The following IGF2R variants were observed in gnomAD, a reference collection of about 807,000 sequenced individuals.
The protein encoded by IGF2R is cation-independent mannose-6-phosphate receptor.
IGF2R carries 91 observed loss-of-function variants against 270.6 expected under a neutral mutation model. The observed-to-expected ratio is 0.34, with a 90% CI of 0.28 to 0.40. The LOEUF is 0.40. IGF2R is among the 10% of genes least tolerant of loss of function. The pLI is 1.00. For synonymous variants in IGF2R, 1,316 were observed against 1,258.9 expected, an observed-to-expected ratio of 1.05 and a Z score of -0.96; for missense variants, 2,805 against 3,188.3, an observed-to-expected ratio of 0.88 and a Z score of 2.90.
At chr6:160,023,817 C>A (rs913246266) in intron 4 of IGF2R, among the ~76,000 whole-genome samples, 1 of 152,132 alleles carries the variant, frequency 6.6e-6, no homozygotes, top group Non-Finnish European at 1.5e-5. Flanking sequence ...ACGAGGTCAC[C>A]AAGGGATTGG....
chr6:160,089,161 C>T lies in IGF2R; in HGVS notation c.6375C>T (p.Cys2125=), dbSNP rs1424215554. 1.6e-5 allele frequency: 26 copies of T among 1,613,838 alleles called. No individual in the cohort carries two copies. The highest frequency in any genetic ancestry group is 5.0e-5 in the Admixed American group (3 of 60,002). The change falls in exon 43 of 48, where the codon TGC becomes TGT. Residue 2125 remains cysteine, a synonymous_variant. Coordinates refer to ENST00000356956, the MANE Select transcript of IGF2R (RefSeq NM_000876.4). ...YYFSWDSRAA[C]AVKPQEVQMV... ...TCAGCTGGGACTCCCGGGCTGCCTG[C>T]GCCGTGAAGCCTCAGGAGGTGCAGA...
intron 4 of IGF2R, among the ~76,000 whole-genome samples, chr6:160,017,189 C>A (rs112990351): frequency 6.6e-6 from 1 of 151,958 alleles, no homozygotes; most frequent in South Asian, 2.1e-4. Flanking sequence ...AGTAGAATTT[C>A]TAGAAATGAA....
At chr6:160,011,529 T>C (rs1784334628) in intron 4 of IGF2R, among the ~76,000 whole-genome samples, 1 of 151,454 alleles carries the variant, frequency 6.6e-6, no homozygotes, top group Admixed American at 6.6e-5. Context: ...GCTAATTACA[T>C]ATGTGTTACC....
chr6:160,104,435 T>A (rs1443852391), intron 47 of IGF2R, among the ~76,000 whole-genome samples: 3 of 151,874 alleles, frequency 2.0e-5, no homozygotes, highest in African/African-American at 4.8e-5. Flanking sequence ...TCCTGCCAAA[T>A]GACCCCACTG....
chr6:160,077,713 C>A lies in IGF2R; in HGVS notation c.5317-488C>A, dbSNP rs150313160. On this transcript the variant is annotated intron_variant, in intron 36 of 47. Transcript: ENST00000356956. ...TAATTACAAATGGAATTCCTGAGAG[C>A]TGCCTCATCTTTTTTTGTTGCTGTT... Among the ~76,000 whole-genome samples the A allele has an allele frequency of 2.2e-3, 330 of 152,342 alleles. 3 individuals are homozygous for A. Among genetic ancestry groups the A allele is most frequent in the African/African-American group, 7.6e-3 (318 of 41,580 alleles).
rs1472678668 is a variant in IGF2R at position 160,072,863 on chromosome 6, G to A, written c.4669G>A (p.Glu1557Lys). 3 of 1,613,820 alleles carry A rather than the reference G, an allele frequency of 1.9e-6. No homozygotes were observed. Among genetic ancestry groups the A allele is most frequent in the Non-Finnish European group, 2.5e-6 (3 of 1,179,850 alleles). ...LVYMSICGEN[E>K]NCPPGVGACF... ...TTACATGAGCATCTGTGGGGAGAAT[G>A]AAAACTGCCCTCCTGGCGTGGGTGA... The change falls in exon 33 of 48, where the codon GAA becomes AAA. Residue 1557 changes from glutamate (E) to lysine (K), a missense_variant. Physicochemically the swap from Glu to Lys is moderately conservative, Grantham distance 56. Around this residue, in one of 2 missense-constraint regions of IGF2R, gnomAD observed 1,851 missense variants for 2,207.2 expected, o/e 0.84. Transcript: ENST00000356956.
intron 7 of IGF2R, among the ~76,000 whole-genome samples, chr6:160,031,341 C>T (rs1007196258): frequency 3.3e-5 from 5 of 152,058 alleles, no homozygotes; most frequent in African/African-American, 9.7e-5. Context: ...GGTTTACATA[C>T]TGTAAAGTTC....
chr6:160,093,423 G>A lies in IGF2R; in HGVS notation c.6656-3016G>A, dbSNP rs1441081164. The stretch of plus-strand genomic sequence containing the variant: ...TGGAGGAGCTCCTGGCACAGTGATG[G>A]GGTCTCAGGCCTCCACCTTACTGCA... On this transcript the variant is annotated intron_variant, in intron 44 of 47. Coordinates refer to ENST00000356956, the MANE Select transcript of IGF2R (RefSeq NM_000876.4). 1.8e-5 allele frequency: 6 copies of A among 332,710 alleles called. No homozygotes were observed. In the Admixed American group the frequency reaches 2.5e-4, roughly 14 times the overall value. 20.6% of individuals were successfully genotyped at this position (332,710 alleles called of 1,614,324 possible).
intron 46 of IGF2R, among the ~76,000 whole-genome samples, chr6:160,103,110 A>C (rs543514513): frequency 2.0e-5 from 3 of 152,276 alleles, no homozygotes; most frequent in East Asian, 1.9e-4. Flanking sequence ...GTGACGGTCA[A>C]GCAGATTTTC....
chr6:160,064,627 TCTC>T (rs1778522389), intron 28 of IGF2R, 96 bp downstream of exon 28: 1 of 1,389,454 alleles, frequency 7.2e-7, no homozygotes. Flanking sequence ...TCTCATCAAA[TCTC>T]CTGGTTAACT....
chr6:160,094,213 A>G (rs1369788272), intron 44 of IGF2R: 1 of 344,482 alleles, frequency 2.9e-6, no homozygotes, highest in Middle Eastern at 1.0e-3. Flanking sequence ...ATTTCTTCTC[A>G]GTATCCATTC....
At chr6:159,976,063 A>G (rs1257589036) in intron 1 of IGF2R, among the ~76,000 whole-genome samples, 1 of 152,006 alleles carries the variant, frequency 6.6e-6, no homozygotes, top group Non-Finnish European at 1.5e-5. Context: ...TGTATATAAG[A>G]TGGACATTTT....
chr6:160,068,126 T>G, intron 29 of IGF2R, 123 bp from the exon 30 acceptor site: 2 of 905,386 alleles, frequency 2.2e-6, no homozygotes, highest in Non-Finnish European at 1.7e-6. Context: ...CAGAGAGAAG[T>G]CGAGTCTAAA....
intron 45 of IGF2R, 135 bp downstream of exon 45, chr6:160,096,760 A>T (rs1779369990): frequency 1.4e-6 from 1 of 739,450 alleles, no homozygotes; most frequent in Non-Finnish European, 2.1e-6. Context: ...AAATGATAGA[A>T]GCGGACCCCA....
intron 29 of IGF2R, among the ~76,000 whole-genome samples, chr6:160,065,957 G>C (rs1180144815): frequency 1.4e-5 from 2 of 147,592 alleles, no homozygotes; most frequent in African/African-American, 5.0e-5. Context: ...TCCTGTCTCA[G>C]CATCCCTAGT....
At chr6:160,068,222 A>T in intron 29 of IGF2R, 27 bp from the exon 30 acceptor site, 1 of 1,613,546 alleles carries the variant, frequency 6.2e-7, no homozygotes, top group South Asian at 1.1e-5. Context: ...ACCAAGCCTA[A>T]CTAACTGCGG....
intron 1 of IGF2R, among the ~76,000 whole-genome samples, chr6:159,980,348 G>A (rs748374446): frequency 1.2e-4 from 19 of 152,132 alleles, no homozygotes; most frequent in Non-Finnish European, 2.4e-4. Context: ...TTGCCTTTAG[G>A]CTGCGATGGA....
chr6:159,976,004 T>G (rs1272788600), intron 1 of IGF2R, among the ~76,000 whole-genome samples: 2 of 151,834 alleles, frequency 1.3e-5, no homozygotes, highest in Admixed American at 1.3e-4. Context: ...GTTTGCTTTG[T>G]GGAAGGAGCT....
At chr6:160,088,828 G>A (rs1229407341) in intron 42 of IGF2R, among the ~76,000 whole-genome samples, 2 of 152,310 alleles carry the variant, frequency 1.3e-5, no homozygotes. Flanking sequence ...CATTACTGAT[G>A]TGTGCACCAC....
Sources: allele counts gnomAD v4.1 joint callset (sites outside exome capture counted in the v4.1 genomes callset), GRCh38; gene constraint gnomAD v4.1.1; regional missense constraint gnomAD v4.1.1; transcripts MANE v1.5; gene names NCBI Gene and HGNC (gene_info 2026-07-23, HGNC 2026-07-21).